The following STK32B variants were observed in gnomAD, a reference collection of about 807,000 sequenced individuals.
STK32B encodes serine/threonine kinase 32B, also known as serine/threonine-protein kinase 32B.
A neutral mutation model predicts 52.6 loss-of-function variants in STK32B; 43 were observed. That is an observed-to-expected ratio of 0.82 (90% CI 0.64 to 1.05). STK32B has a LOEUF of 1.05. Ranked by LOEUF, STK32B falls within the 50% of genes least tolerant of loss-of-function variation. The probability of loss-of-function intolerance (pLI) is 0.00; values close to 1 mark genes in which losing one functional copy is unlikely to be tolerated. For synonymous variants in STK32B, 238 were observed against 204.3 expected, an observed-to-expected ratio of 1.17 and a Z score of -1.41; for missense variants, 621 against 534.6, an observed-to-expected ratio of 1.16 and a Z score of -1.59.
intron 3 of STK32B, among the ~76,000 whole-genome samples, chr4:5,251,454 C>T (rs904801622): frequency 6.6e-6 from 1 of 152,114 alleles, no homozygotes; most frequent in Non-Finnish European, 1.5e-5. Flanking sequence ...ATTTTTGTAC[C>T]AGTACCATGC....
chr4:5,084,495 T>C (rs1712609964), intron 1 of STK32B, among the ~76,000 whole-genome samples: 1 of 152,214 alleles, frequency 6.6e-6, no homozygotes, highest in African/African-American at 2.4e-5. Context: ...TTTGTAATGG[T>C]GATAAAATGA....
chr4:5,471,473 TC>T (rs1184289468), intron 11 of STK32B, among the ~76,000 whole-genome samples: 1 of 152,054 alleles, frequency 6.6e-6, no homozygotes, highest in Non-Finnish European at 1.5e-5. Flanking sequence ...GAGCGGATTC[TC>T]CCTCAGAGCC....
At chr4:5,152,321 C>T (rs1717435694) in intron 2 of STK32B, among the ~76,000 whole-genome samples, 2 of 152,236 alleles carry the variant, frequency 1.3e-5, no homozygotes, top group Admixed American at 6.5e-5. Context: ...CAGATGCAGG[C>T]TTGACACTTG....
At chr4:5,415,954 A>C (rs1415537426) in intron 5 of STK32B, among the ~76,000 whole-genome samples, 1 of 152,134 alleles carries the variant, frequency 6.6e-6, no homozygotes, top group Non-Finnish European at 1.5e-5. Context: ...CCATCTATGC[A>C]TTTAAGTCCC....
At chr4:5,297,143 T>C (rs995928167) in intron 3 of STK32B, among the ~76,000 whole-genome samples, 1 of 152,204 alleles carries the variant, frequency 6.6e-6, no homozygotes, top group African/African-American at 2.4e-5. Context: ...CGCAGAGATA[T>C]CCGCTATTAG....
chr4:5,279,655 G>T (rs944808631), intron 3 of STK32B, among the ~76,000 whole-genome samples: 1 of 152,188 alleles, frequency 6.6e-6, no homozygotes, highest in East Asian at 1.9e-4. Flanking sequence ...CACATATCCT[G>T]TGTGGACTGC....
At chr4:5,337,719 A>C (rs1028080349) in intron 4 of STK32B, among the ~76,000 whole-genome samples, 7 of 152,192 alleles carry the variant, frequency 4.6e-5, no homozygotes, top group African/African-American at 1.7e-4. Flanking sequence ...GGAAAAAAAA[A>C]AACTCAGTAA....
intron 4 of STK32B, among the ~76,000 whole-genome samples, chr4:5,332,362 C>T (rs1038530648): frequency 2.0e-5 from 3 of 152,098 alleles, no homozygotes; most frequent in African/African-American, 7.2e-5. Flanking sequence ...GAGTCAATAA[C>T]TAATAGATGC....
At chr4:5,477,069 C>T (rs1305187208) in intron 11 of STK32B, among the ~76,000 whole-genome samples, 1 of 152,088 alleles carries the variant, frequency 6.6e-6, no homozygotes, top group Non-Finnish European at 1.5e-5. Flanking sequence ...ACCAAGTTTG[C>T]GGAAATTTGC....
At chr4:5,030,551 A>G in the STK32B span, among the ~76,000 whole-genome samples, 1 of 152,234 alleles carries the variant, frequency 6.6e-6, no homozygotes, top group Non-Finnish European at 1.5e-5. Flanking sequence ...TGCTTGGGGC[A>G]CTAGGCACTT....
chr4:5,172,379 C>G (rs1175054539), intron 3 of STK32B, among the ~76,000 whole-genome samples: 1 of 152,142 alleles, frequency 6.6e-6, no homozygotes, highest in Non-Finnish European at 1.5e-5. Flanking sequence ...GCATCCGTGT[C>G]TTGTGCCAGT....
chr4:5,165,901 G>A (rs1718833944), intron 2 of STK32B, among the ~76,000 whole-genome samples: 1 of 152,178 alleles, frequency 6.6e-6, no homozygotes, highest in Non-Finnish European at 1.5e-5. Flanking sequence ...AGATGCAGTT[G>A]ACATTTATCG....
At chr4:5,446,149 C>A (rs908077435) in intron 6 of STK32B, among the ~76,000 whole-genome samples, 1 of 152,236 alleles carries the variant, frequency 6.6e-6, no homozygotes, top group Non-Finnish European at 1.5e-5. Flanking sequence ...CTGCATTCCA[C>A]CCGGTAGTGT....
intron 6 of STK32B, among the ~76,000 whole-genome samples, chr4:5,445,718 G>A (rs1276737697): frequency 2.6e-5 from 4 of 152,144 alleles, no homozygotes; most frequent in Non-Finnish European, 5.9e-5. Context: ...GTAGCATTCA[G>A]TACATTCACA....
chr4:5,275,975 G>C (rs1055984142), intron 3 of STK32B, among the ~76,000 whole-genome samples: 1 of 152,170 alleles, frequency 6.6e-6, no homozygotes, highest in Non-Finnish European at 1.5e-5. Context: ...CAAGATAAGA[G>C]CACAGCCAGC....
chr4:5,440,327 G>C (rs1221396513), intron 6 of STK32B, among the ~76,000 whole-genome samples: 2 of 152,280 alleles, frequency 1.3e-5, no homozygotes, highest in East Asian at 3.9e-4. Flanking sequence ...CACATCCCTT[G>C]TAAGTTGGAT....
intron 3 of STK32B, among the ~76,000 whole-genome samples, chr4:5,293,357 A>G (rs1382760859): frequency 1.3e-5 from 2 of 152,100 alleles, no homozygotes; most frequent in Admixed American, 6.6e-5. Context: ...TCCTTCAGGA[A>G]TCTCCACACT....
chr4:5,044,832 T>C, the STK32B span, among the ~76,000 whole-genome samples: 6 of 152,092 alleles, frequency 3.9e-5, no homozygotes, highest in African/African-American at 1.2e-4. Context: ...GATCTCTTGA[T>C]CCTGGGAGGC....
chr4:5,345,690 A>C (rs939078764), intron 4 of STK32B, among the ~76,000 whole-genome samples: 1 of 152,236 alleles, frequency 6.6e-6, no homozygotes, highest in Admixed American at 6.5e-5. Context: ...GGCCACCCCA[A>C]GTCACCAAGC....
Sources: allele counts gnomAD v4.1 joint callset (sites outside exome capture counted in the v4.1 genomes callset), GRCh38; gene constraint gnomAD v4.1.1; transcripts MANE v1.5; gene names NCBI Gene and HGNC (gene_info 2026-07-23, HGNC 2026-07-21).